The following PTPN23 variants were observed in gnomAD, a reference collection of about 807,000 sequenced individuals.
PTPN23 encodes the protein protein tyrosine phosphatase non-receptor type 23.
A neutral mutation model predicts 156.3 loss-of-function variants in PTPN23; 72 were observed. That is an observed-to-expected ratio of 0.46 (90% CI 0.38 to 0.56). The LOEUF is 0.56. PTPN23 is among the 20% of genes least tolerant of loss of function. The probability of loss-of-function intolerance (pLI) is 0.00; values close to 1 mark genes in which losing one functional copy is unlikely to be tolerated. For synonymous variants in PTPN23, 957 were observed against 899.6 expected, an observed-to-expected ratio of 1.06 and a Z score of -1.14; for missense variants, 1,974 against 2,171.5, an observed-to-expected ratio of 0.91 and a Z score of 1.81.
At chr3:47,399,967 A>G (rs1704959721) in intron 2 of PTPN23, among the ~76,000 whole-genome samples, 1 of 152,170 alleles carries the variant, frequency 6.6e-6, no homozygotes, top group Non-Finnish European at 1.5e-5. Flanking sequence ...ATGCACCACC[A>G]TGCCTGGCTA....
rs781077098 is a variant in PTPN23 at position 47,410,085 on chromosome 3, C to T, written c.2287C>T (p.Leu763=). 1 of 1,611,066 alleles carries T rather than the reference C, an allele frequency of 6.2e-7. No homozygotes were observed. Among genetic ancestry groups the T allele is most frequent in the Non-Finnish European group, 8.5e-7 (1 of 1,178,650 alleles). ...VAGPRLPDTF[L]GSATPLHFPP... ...TGGCCCACGACTGCCTGACACCTTC[C>T]TGGGAAGTGCCACCCCGCTCCACTT... is the stretch of plus-strand genomic sequence containing the variant. Residue 763 remains leucine (L), a synonymous_variant, in exon 20 of 25, where the codon CTG becomes TTG. Coordinates refer to ENST00000265562, the MANE Select transcript of PTPN23 (RefSeq NM_015466.4).
chr3:47,383,487 A>T (rs1261045476), intron 1 of PTPN23, among the ~76,000 whole-genome samples: 1 of 152,182 alleles, frequency 6.6e-6, no homozygotes, highest in Non-Finnish European at 1.5e-5. Context: ...CCCCCTGTTC[A>T]AGTGTGTGTT....
chr3:47,382,173 T>G (rs1379250868), intron 1 of PTPN23, among the ~76,000 whole-genome samples: 1 of 152,218 alleles, frequency 6.6e-6, no homozygotes, highest in African/African-American at 2.4e-5. Context: ...CTAATCGCCA[T>G]ACACCATTGC....
intron 1 of PTPN23, among the ~76,000 whole-genome samples, chr3:47,389,392 C>T (rs902589860): frequency 6.6e-6 from 1 of 152,170 alleles, no homozygotes; most frequent in South Asian, 2.1e-4. Context: ...GGGAGGATAG[C>T]TGGAGGCCAG....
In PTPN23 at chr3:47,407,496, G is replaced by T; in HGVS notation, c.924-9G>T. 6.2e-7 allele frequency: 1 copy of T among 1,613,664 alleles called. No homozygotes were observed. The highest frequency in any genetic ancestry group is 8.5e-7 in the Non-Finnish European group (1 of 1,179,624). ...GTGACTGCCCACTCCCCCTGCTCCT[G>T]ATCCCCAGGTACAATTCTGCCAAGA... On this transcript the variant is annotated splice_polypyrimidine_tract_variant and intron_variant, in intron 11 of 24. Coordinates refer to ENST00000265562, the MANE Select transcript of PTPN23 (RefSeq NM_015466.4). The surrounding 1 kb of genome is among the most constrained non-coding windows in gnomAD (Gnocchi z 4.0).
In PTPN23 at chr3:47,404,743, T is replaced by C; in HGVS notation, c.251T>C (p.Met84Thr). 6.2e-7 allele frequency: 1 copy of C among 1,613,838 alleles called. No individual in the cohort carries two copies. Among genetic ancestry groups the C allele is most frequent in the Non-Finnish European group, 8.5e-7 (1 of 1,180,014 alleles). ...CATTACCTGCAGAGTCGGGTCCCCATGGGCTCGGGCCAGGAGGCCGCTGTC... is the reference window on the plus strand; with the variant it reads ...CATTACCTGCAGAGTCGGGTCCCCACGGGCTCGGGCCAGGAGGCCGCTGTC... Reference protein sequence around the residue: ...QLHYLQSRVPMGSGQEAAVPV... With the variant: ...QLHYLQSRVPTGSGQEAAVPV... Residue 84 changes from methionine (M) to threonine (T), a missense_variant, in exon 3 of 25, where the codon ATG becomes ACG. Physicochemically the swap from Met to Thr is moderately conservative, Grantham distance 81. Around this residue, in one of 4 missense-constraint regions of PTPN23, gnomAD observed 726 missense variants for 929.5 expected, o/e 0.78. Transcript: ENST00000265562.
chr3:47,389,770 G>C (rs538717272), intron 1 of PTPN23, among the ~76,000 whole-genome samples: 1 of 151,724 alleles, frequency 6.6e-6, no homozygotes, highest in Admixed American at 6.6e-5. Flanking sequence ...AACCCGGGGG[G>C]GTGGAGCTTG....
intron 2 of PTPN23, among the ~76,000 whole-genome samples, chr3:47,401,418 G>C (rs865803630): frequency 6.6e-6 from 1 of 151,632 alleles, no homozygotes; most frequent in African/African-American, 2.4e-5. Context: ...TGTTCTTCAG[G>C]CTGGTCTCAA....
chr3:47,405,175 A>G lies in PTPN23; in HGVS notation c.364+94A>G. 8.4e-7 allele frequency: 1 copy of G among 1,190,088 alleles called. No individual in the cohort carries two copies. Among genetic ancestry groups the G allele is most frequent in the East Asian group, 2.4e-5 (1 of 42,468 alleles). 73.7% of individuals were successfully genotyped at this position (1,190,088 alleles called of 1,614,324 possible). A position where few individuals can be genotyped will look rare whatever the true frequency, so the allele number is the denominator to read the frequency against. On this transcript the variant is annotated intron_variant, in intron 4 of 24. Transcript: ENST00000265562. The surrounding 1 kb of genome is among the most constrained non-coding windows in gnomAD (Gnocchi z 4.7). ...ATGGCCACAAAGGCAGTGGGCTGAT[A>G]AAGGGAGGACTCCAGGATTCCCGCC...
chr3:47,411,830 G>A lies in PTPN23; in HGVS notation c.3936G>A (p.Val1312=), dbSNP rs1705303577. 1 of 1,613,162 alleles carries A rather than the reference G, an allele frequency of 6.2e-7. No homozygotes were observed. The highest frequency in any genetic ancestry group is 1.3e-5 in the African/African-American group (1 of 74,996). ...YFPTERGQPM[V]HGALSLALSS... ...CCACCGAGAGGGGCCAGCCCATGGT[G>A]CACGGTGCCCTGAGCCTGGCATTGA... The change falls in exon 21 of 25, where the codon GTG becomes GTA. Residue 1312 remains valine, a synonymous_variant. Transcript: ENST00000265562. The surrounding 1 kb of genome is among the most constrained non-coding windows in gnomAD (Gnocchi z 6.3).
chr3:47,397,967 C>T (rs752794809), intron 2 of PTPN23, among the ~76,000 whole-genome samples: 12 of 152,010 alleles, frequency 7.9e-5, no homozygotes, highest in Non-Finnish European at 1.3e-4. Context: ...CACCGCGCCC[C>T]GCCTGGTGAA....
chr3:47,409,560 G>A lies in PTPN23; in HGVS notation c.1941G>A (p.Leu647=), dbSNP rs764096306. The stretch of plus-strand genomic sequence containing the variant: ...CCGTGCGGCGGGTACTCAGCGACTT[G>A]GACCAAAAGTCAGTGCCCAGTCCTC... ...YAAVRRVLSD[L]DQKWNSTLQT... The change falls in exon 18 of 25, where the codon TTG becomes TTA. Residue 647 remains leucine (L), a synonymous_variant. Transcript: ENST00000265562. 3 of 1,613,188 alleles carry A rather than the reference G, an allele frequency of 1.9e-6. No individual in the cohort carries two copies. The highest frequency in any genetic ancestry group is 2.5e-6 in the Non-Finnish European group (3 of 1,179,498).
At chr3:47,404,932 T>G in intron 3 of PTPN23, 73 bp from the exon 4 acceptor site, 1 of 1,598,362 alleles carries the variant, frequency 6.3e-7, no homozygotes, top group Non-Finnish European at 8.6e-7. Flanking sequence ...AATGGGGTGT[T>G]TAGTCCCCTT....
chr3:47,402,809 G>A (rs1425094066), intron 2 of PTPN23, among the ~76,000 whole-genome samples: 3 of 152,104 alleles, frequency 2.0e-5, no homozygotes, highest in African/African-American at 7.2e-5. Flanking sequence ...AGATTCAAAC[G>A]ATTCTCTTGC....
rs769221993 is a variant in PTPN23, at chr3:47,413,170, A to G, written c.4896A>G (p.Thr1632=). 3.1e-6 allele frequency: 5 copies of G among 1,611,212 alleles called. No homozygotes were observed. In the East Asian group the frequency reaches 1.1e-4, roughly 36 times the overall value. ...DPLSLLDPLW[T]LNKT ...TCAGCCTTCTGGATCCACTCTGGAC[A>G]CTCAACAAGACCTGAACAGGTTTTG... The change falls in exon 25 of 25, where the codon ACA becomes ACG. Residue 1632 remains threonine (T), a synonymous_variant. Transcript: ENST00000265562.
chr3:47,389,594 A>G (rs978115831), intron 1 of PTPN23, among the ~76,000 whole-genome samples: 1 of 152,118 alleles, frequency 6.6e-6, no homozygotes, highest in Non-Finnish European at 1.5e-5. Flanking sequence ...TAATCCCCGC[A>G]CTTTGGGAGG....
intron 1 of PTPN23, among the ~76,000 whole-genome samples, chr3:47,386,621 C>G (rs1478311760): frequency 1.3e-5 from 2 of 152,126 alleles, no homozygotes; most frequent in Non-Finnish European, 1.5e-5. Context: ...TATGTACATA[C>G]ACAGACACAT....
chr3:47,409,712 G>C lies in PTPN23; in HGVS notation c.2007G>C (p.Met669Ile), dbSNP rs1333837742. The C allele has an allele frequency of 1.9e-6, 3 of 1,608,320 alleles. No homozygotes were observed. Among genetic ancestry groups the C allele is most frequent in the Non-Finnish European group, 1.7e-6 (2 of 1,179,816 alleles). ...CGTATGAAGCCTATGAGGACCTGAT[G>C]AAGAAGTCGCAGGAGGGCAGGGACT... ...VASYEAYEDL[M>I]KKSQEGRDFY... The change falls in exon 19 of 25, where the codon ATG (methionine) becomes ATC (isoleucine). Residue 669 changes from methionine to isoleucine, a missense_variant. This residue lies in a region of PTPN23 where 726 missense variants were observed against 929.5 expected (regional missense o/e 0.78). Coordinates refer to ENST00000265562, the MANE Select transcript of PTPN23 (RefSeq NM_015466.4).
chr3:47,386,125 C>A (rs1208688118), intron 1 of PTPN23, among the ~76,000 whole-genome samples: 1 of 152,134 alleles, frequency 6.6e-6, no homozygotes, highest in Non-Finnish European at 1.5e-5. Context: ...TCTTGCTGTC[C>A]ACCACTGGGT....
Sources: gnomAD v4.1 joint callset for allele counts (sites outside exome capture counted in the v4.1 genomes callset) on GRCh38, gnomAD v4.1.1 for gene constraint, gnomAD v4.1.1 regional missense constraint, Gnocchi (gnomAD v3.1) non-coding constraint, MANE v1.5 for transcripts, NCBI Gene and HGNC (gene_info 2026-07-23, HGNC 2026-07-21) for gene names.